Variants in CFAP57 observed in about 807,000 individuals in gnomAD.
CFAP57 encodes the protein cilia- and flagella-associated protein 57.
A neutral mutation model predicts 146.8 loss-of-function variants in CFAP57; 116 were observed. The observed-to-expected ratio is 0.79, with a 90% confidence interval of 0.68 to 0.92. CFAP57 has a LOEUF of 0.92. CFAP57 is among the 40% of genes least tolerant of loss of function. The probability of loss-of-function intolerance (pLI) is 0.00; values close to 1 mark genes in which losing one functional copy is unlikely to be tolerated. For synonymous variants in CFAP57, 518 were observed against 552.8 expected (o/e 0.94, Z 0.88); for missense variants, 1,377 against 1,527.2 (o/e 0.90, Z 1.64).
At chr1:43,210,426 C>T (rs1371869377) in intron 11 of CFAP57, 1 of 1,162,778 alleles carries the variant, frequency 8.6e-7, no homozygotes, top group African/African-American at 1.6e-5. Context: ...AGCAACCAAG[C>T]ATCCATCGAC....
intron 14 of CFAP57, 96 bp downstream of exon 14, chr1:43,221,561 G>A: frequency 6.6e-6 from 5 of 760,246 alleles, no homozygotes; most frequent in Non-Finnish European, 9.8e-6. Context: ...GAAGTCTCAG[G>A]GAATATGGCT....
rs1412531575 is a variant in CFAP57, at chr1:43,234,321, C to T, written c.3169C>T (p.Leu1057Phe). ...EALVKRFKTD[L>F]HNCVAYIQEP... ...GCTGGTCAAAAGGTTTAAAACAGAC[C>T]TCCACAACTGCGTAGCCTATATTCA... Residue 1057 changes from leucine to phenylalanine, a missense_variant, in exon 20 of 23, where the codon CTC (leucine) becomes TTC (phenylalanine). Leu to Phe is a conservative substitution (Grantham distance 22). Coordinates refer to ENST00000372492, the MANE Select transcript of CFAP57 (RefSeq NM_001378189.1). 1.3e-6 allele frequency: 2 copies of T among 1,550,076 alleles called. No individual in the cohort carries two copies. The highest frequency in any genetic ancestry group is 2.4e-5 in the East Asian group (1 of 40,908).
chr1:43,223,541 C>T (rs1201651997), intron 16 of CFAP57, among the ~76,000 whole-genome samples: 2 of 152,082 alleles, frequency 1.3e-5, no homozygotes, highest in East Asian at 1.9e-4. Flanking sequence ...CTCAGTTTCC[C>T]CAAAACATTT....
Position 43,222,640 on chromosome 1 carries a change from CA to C in CFAP57, c.2533-183del, listed in dbSNP as rs529401745. 2.5e-3 allele frequency among the ~76,000 whole-genome samples: 388 copies of C among 152,284 alleles called. 2 individuals carry two copies. Among genetic ancestry groups the C allele is most frequent in the African/African-American group, 8.9e-3 (368 of 41,558 alleles). On this transcript the variant is annotated intron_variant, in intron 15 of 22. Coordinates refer to ENST00000372492, the MANE Select transcript of CFAP57 (RefSeq NM_001378189.1). ...TAGGAAAAGAGGGGAGGCAGGAAGA[CA>C]GGACAGACGGGAAGAAGGTGGACAG...
At chr1:43,237,299 A>G (rs138329930) in intron 21 of CFAP57, among the ~76,000 whole-genome samples, 1,536 of 152,336 alleles carry the variant, frequency 0.01, 14 homozygotes, top group Middle Eastern at 0.024. Flanking sequence ...TCCATTCCTC[A>G]GCACACTGGC....
Position 43,219,460 on chromosome 1 carries a change from A to G in CFAP57, c.2170A>G (p.Met724Val). 6.4e-7 allele frequency: 1 copy of G among 1,550,642 alleles called. No homozygotes were observed. ...TGAGTATCAACTCCGACTAAAGGAC[A>G]TGAACTATTCTGAGAAGATTAAGGA... ...ENEYQLRLKDMNYSEKIKELT... is the reference protein window; with the variant it reads ...ENEYQLRLKDVNYSEKIKELT... The change falls in exon 13 of 23, where the codon ATG becomes GTG. Residue 724 changes from methionine to valine, a missense_variant. Coordinates refer to ENST00000372492, the MANE Select transcript of CFAP57 (RefSeq NM_001378189.1).
chr1:43,217,301 C>T (rs183417366), intron 12 of CFAP57, among the ~76,000 whole-genome samples: 10 of 152,220 alleles, frequency 6.6e-5, no homozygotes, highest in Admixed American at 3.3e-4. Context: ...ATTCGCATCT[C>T]GGAGAGAATA....
At chr1:43,189,683 T>C (rs985585894) in intron 6 of CFAP57, among the ~76,000 whole-genome samples, 1 of 152,158 alleles carries the variant, frequency 6.6e-6, no homozygotes, top group African/African-American at 2.4e-5. Flanking sequence ...TGAGACTGAG[T>C]AATTTATAAA....
Position 43,215,262 on chromosome 1 carries a change from T to C in CFAP57, c.1937T>C (p.Leu646Pro). ...AHAGPITKML[L>P]TFDDQFLLTA... ...GACCCTTTTTCTCTTCAGATGTTGC[T>C]TACCTTTGATGATCAGTTCCTGCTG... is the stretch of plus-strand genomic sequence containing the variant. Residue 646 changes from leucine to proline, a missense_variant, in exon 12 of 23, where the codon CTT becomes CCT. Coordinates refer to ENST00000372492, the MANE Select transcript of CFAP57 (RefSeq NM_001378189.1). 1 of 1,551,142 alleles carries C rather than the reference T, an allele frequency of 6.4e-7. No homozygotes were observed. Among genetic ancestry groups the C allele is most frequent in the Non-Finnish European group, 8.7e-7 (1 of 1,147,042 alleles).
At chr1:43,219,914 G>A (rs1410932255) in intron 13 of CFAP57, among the ~76,000 whole-genome samples, 1 of 151,984 alleles carries the variant, frequency 6.6e-6, no homozygotes, top group Non-Finnish European at 1.5e-5. Flanking sequence ...AGCTGAGATC[G>A]CTCCACAGCA....
chr1:43,181,564 T>C lies in CFAP57; in HGVS notation c.188T>C (p.Leu63Ser), dbSNP rs755128017. The change falls in exon 3 of 23, where the codon TTG becomes TCG. Residue 63 changes from leucine to serine, a missense_variant. Coordinates refer to ENST00000372492, the MANE Select transcript of CFAP57 (RefSeq NM_001378189.1). ...GSEKSQGMLA[L>S]SISPNRRYLA... ...GAGAAGAGTCAGGGCATGTTGGCCT[T>C]GTCCATCAGTCCCAATCGGCGGTAC... is the stretch of plus-strand genomic sequence containing the variant. The C allele has an allele frequency of 1.9e-5, 31 of 1,614,118 alleles. No homozygotes were observed. The highest frequency in any genetic ancestry group is 1.6e-4 in the Middle Eastern group (1 of 6,084).
chr1:43,227,202 G>A lies in CFAP57; in HGVS notation c.3009+76G>A. The A allele has an allele frequency of 2.9e-6, 4 of 1,401,366 alleles. No individual in the cohort carries two copies. In the South Asian group the frequency reaches 6.9e-5, roughly 24 times the overall value. The allele number at this position is 1,401,366 out of a possible 1,614,324, so 86.8% of individuals were successfully genotyped here. On this transcript the variant is annotated intron_variant, in intron 18 of 22. Coordinates refer to ENST00000372492, the MANE Select transcript of CFAP57 (RefSeq NM_001378189.1). ...TCCACAATTGGCTAGCTGGCCTCAG[G>A]GACTGAGGAGAAGCTCTTCTCACAG...
chr1:43,210,016 C>T, intron 11 of CFAP57, 100 bp downstream of exon 11: 1 of 1,613,458 alleles, frequency 6.2e-7, no homozygotes, highest in Non-Finnish European at 8.5e-7. Context: ...TCTCCTTCTT[C>T]TCTCTTATTT....
In CFAP57 at chr1:43,179,982, G is replaced by A. The variant is rs540329342; in HGVS notation, c.158-1552G>A. Among the ~76,000 whole-genome samples, 19 of 152,014 alleles carry A rather than the reference G, an allele frequency of 1.2e-4. No homozygotes were observed. In the South Asian group the frequency reaches 3.1e-3, roughly 25 times the overall value. On this transcript the variant is annotated intron_variant, in intron 2 of 22. Transcript: ENST00000372492. ...AACACTCTGGGAGGCCGAGGTGGGC[G>A]GATCACCTGAAGTTGGGAGTTCGAG...
chr1:43,180,185 G>A (rs182121352), intron 2 of CFAP57, among the ~76,000 whole-genome samples: 10 of 147,490 alleles, frequency 6.8e-5, no homozygotes, highest in Admixed American at 2.0e-4. Flanking sequence ...CAGCCTGGGC[G>A]ACAAGAGTGA....
At chr1:43,190,755 T>C (rs555876641) in intron 6 of CFAP57, among the ~76,000 whole-genome samples, 1 of 152,266 alleles carries the variant, frequency 6.6e-6, no homozygotes, top group East Asian at 1.9e-4. Context: ...GTTTTCGTTT[T>C]TTACTTTATT....
chr1:43,177,175 CAGGG>C, intron 2 of CFAP57: 1 of 456,214 alleles, frequency 2.2e-6, no homozygotes, highest in Non-Finnish European at 4.4e-6. Flanking sequence ...AGAAAGGAAG[CAGGG>C]AGAACAGCTG....
At chr1:43,239,893 T>G (rs1351462531) in intron 21 of CFAP57, among the ~76,000 whole-genome samples, 1 of 152,214 alleles carries the variant, frequency 6.6e-6, no homozygotes, top group Non-Finnish European at 1.5e-5. Context: ...AATCTCATCT[T>G]ATTCGGTTTG....
chr1:43,173,051 G>A (rs760142693), intron 2 of CFAP57, 141 bp downstream of exon 2: 2 of 724,064 alleles, frequency 2.8e-6, no homozygotes, highest in Non-Finnish European at 2.4e-6. Flanking sequence ...GAAATAAATG[G>A]CGACTTGTAT....
Sources: gnomAD v4.1 joint callset for allele counts (sites outside exome capture counted in the v4.1 genomes callset) on GRCh38, gnomAD v4.1.1 for gene constraint, MANE v1.5 for transcripts, NCBI Gene and HGNC (gene_info 2026-07-23, HGNC 2026-07-21) for gene names.